The following DLGAP2 variants were observed in gnomAD, a reference collection of about 807,000 sequenced individuals.
DLGAP2 encodes the protein DLG associated protein 2.
A neutral mutation model predicts 100.3 loss-of-function variants in DLGAP2; 26 were observed. The observed-to-expected ratio is 0.26, with a 90% CI of 0.19 to 0.36. The LOEUF (loss-of-function observed/expected upper bound fraction) is 0.36, where lower values mean the gene tolerates loss of function less well. DLGAP2 is among the 10% of genes least tolerant of loss of function. The pLI is 1.00. For synonymous variants in DLGAP2, 886 were observed against 630.1 expected (o/e 1.41, Z -6.08); for missense variants, 1,858 against 1,453.2 (o/e 1.28, Z -4.53).
chr8:937,835 G>A (rs1006013483), intron 2 of DLGAP2, among the ~76,000 whole-genome samples: 10 of 152,126 alleles, frequency 6.6e-5, no homozygotes, highest in African/African-American at 2.4e-4. Flanking sequence ...GAGTGGGATC[G>A]ACTCTACGGA....
chr8:1,686,656 A>G (rs1307090489), intron 12 of DLGAP2, among the ~76,000 whole-genome samples: 1 of 150,648 alleles, frequency 6.6e-6, no homozygotes, highest in Non-Finnish European at 1.5e-5. Flanking sequence ...CCTGGGCAAC[A>G]AGAGGGAGAC....
At chr8:1,334,322 C>T (rs1037673002) in intron 3 of DLGAP2, among the ~76,000 whole-genome samples, 2 of 152,212 alleles carry the variant, frequency 1.3e-5, no homozygotes, top group African/African-American at 4.8e-5. Context: ...ATCACTGTGA[C>T]CCAGCGTTCC....
chr8:1,559,515 T>C (rs1042069444), intron 5 of DLGAP2, among the ~76,000 whole-genome samples: 16 of 152,244 alleles, frequency 1.1e-4, no homozygotes, highest in African/African-American at 3.4e-4. Flanking sequence ...TCTTTCTGTA[T>C]TGAAATTTCT....
intron 2 of DLGAP2, among the ~76,000 whole-genome samples, chr8:1,204,156 G>C (rs1266727450): frequency 6.6e-6 from 1 of 152,260 alleles, no homozygotes; most frequent in Admixed American, 6.5e-5. Context: ...CCACAGACCA[G>C]AGTTTGAGTA....
intron 4 of DLGAP2, among the ~76,000 whole-genome samples, chr8:1,536,988 C>T (rs1334310118): frequency 6.6e-6 from 1 of 152,008 alleles, no homozygotes; most frequent in Non-Finnish European, 1.5e-5. Flanking sequence ...CACGACCCTC[C>T]AAGGCCGGTA....
At chr8:1,465,658 G>C (rs1184911503) in intron 3 of DLGAP2, among the ~76,000 whole-genome samples, 1 of 152,234 alleles carries the variant, frequency 6.6e-6, no homozygotes, top group Non-Finnish European at 1.5e-5. Context: ...GCGTTTTGTG[G>C]AGACTCCACT....
chr8:1,578,294 G>A (rs1799834194), intron 6 of DLGAP2, among the ~76,000 whole-genome samples: 1 of 152,188 alleles, frequency 6.6e-6, no homozygotes, highest in African/African-American at 2.4e-5. Context: ...GAATGCAAAT[G>A]TTATGGGAAG....
chr8:1,334,555 G>A (rs1801228320), intron 3 of DLGAP2, among the ~76,000 whole-genome samples: 1 of 152,148 alleles, frequency 6.6e-6, no homozygotes, highest in Non-Finnish European at 1.5e-5. Context: ...TCACGCAGAT[G>A]TGAGTGTGAG....
Position 1,022,660 on chromosome 8 carries a change from C to T in DLGAP2, c.73+114694C>T, listed in dbSNP as rs1237190644. On this transcript the variant is annotated intron_variant, in intron 2 of 14. Transcript: ENST00000637795. ...AGCACCCACCCTCCCTGGGAGTGGA[C>T]GGTCCCGTGCCGAGGTAGACGCTCC... Among the ~76,000 whole-genome samples, 9 of 150,486 alleles carry T rather than the reference C, an allele frequency of 6.0e-5. 1 individual carries two copies. The highest frequency in any genetic ancestry group is 1.3e-4 in the Admixed American group (2 of 15,146).
Position 1,586,501 on chromosome 8 carries a change from G to GA in DLGAP2, c.1442+20607_1442+20608insA, listed in dbSNP as rs1796124775. 2.6e-5 allele frequency among the ~76,000 whole-genome samples: 4 copies of GA among 152,246 alleles called. No individual in the cohort carries two copies. The East Asian group carries it at 7.7e-4, about 29-fold the overall frequency. On this transcript the variant is annotated intron_variant, in intron 6 of 14. Coordinates refer to ENST00000637795, the MANE Select transcript of DLGAP2 (RefSeq NM_001346810.2). ...GCTTTCAATGCTCCTGCGCTGAGAGGGGGCCTGCCTGGGTCATCAGGAGAT... is the reference window on the plus strand; with the variant it reads ...GCTTTCAATGCTCCTGCGCTGAGAGGAGGGCCTGCCTGGGTCATCAGGAGAT...
At chr8:800,231 C>A (rs1796119938) in intron 1 of DLGAP2, among the ~76,000 whole-genome samples, 1 of 152,212 alleles carries the variant, frequency 6.6e-6, no homozygotes, top group African/African-American at 2.4e-5. Context: ...GCGGCAGAAT[C>A]ATCAGTGTTC....
chr8:1,485,157 G>T (rs1799204920), intron 3 of DLGAP2, among the ~76,000 whole-genome samples: 1 of 152,318 alleles, frequency 6.6e-6, no homozygotes, highest in South Asian at 2.1e-4. Flanking sequence ...TAATGCAGCT[G>T]CCCTGTCATT....
chr8:1,211,141 C>A (rs1450844875), intron 2 of DLGAP2, among the ~76,000 whole-genome samples: 1 of 152,216 alleles, frequency 6.6e-6, no homozygotes, highest in Non-Finnish European at 1.5e-5. Flanking sequence ...CGTGGTTTTG[C>A]AACATGATCT....
At chr8:1,585,220 T>C (rs887776194) in intron 6 of DLGAP2, among the ~76,000 whole-genome samples, 1 of 152,166 alleles carries the variant, frequency 6.6e-6, no homozygotes, top group Non-Finnish European at 1.5e-5. Flanking sequence ...CCCAGCACTT[T>C]GGGAGGCGGA....
At chr8:1,504,521 C>A (rs1303550849) in intron 4 of DLGAP2, among the ~76,000 whole-genome samples, 4 of 152,192 alleles carry the variant, frequency 2.6e-5, no homozygotes, top group Non-Finnish European at 5.9e-5. Context: ...AACTGAAATG[C>A]TGCACCCTTC....
Position 1,705,041 on chromosome 8 carries a change from G to T in DLGAP2, c.*3635G>T, listed in dbSNP as rs868742686. On this transcript the variant is annotated 3_prime_UTR_variant, in exon 15 of 15. Coordinates refer to ENST00000637795, the MANE Select transcript of DLGAP2 (RefSeq NM_001346810.2). ...GCATCTCTGTTTTTGTTAGATCCTT[G>T]TAAGCATCGCTACCCGAGTCCAGGA... is the stretch of plus-strand genomic sequence containing the variant. 6.6e-6 allele frequency: 1 copy of T among 152,210 alleles called. No individual in the cohort carries two copies. The highest frequency in any genetic ancestry group is 1.5e-5 in the Non-Finnish European group (1 of 68,046). 9.4% of individuals were successfully genotyped at this position (152,210 alleles called of 1,614,324 possible).
In DLGAP2 at chr8:1,697,160, T is replaced by G; in HGVS notation, c.2810T>G (p.Met937Arg). The change falls in exon 14 of 15, where the codon ATG becomes AGG. Residue 937 changes from methionine (M) to arginine (R), a missense_variant. Physicochemically the swap from Met to Arg is moderately conservative, Grantham distance 91. Transcript: ENST00000637795. ...LCQQNMDPSA[M>R]PRPTSQDLAG... ...GTGTGTCCCCAGGACCCCAGCGCCA[T>G]GCCGAGGCCGACGTCGCAGGACCTG... is the stretch of plus-strand genomic sequence containing the variant. 6.3e-7 allele frequency: 1 copy of G among 1,592,980 alleles called. No individual in the cohort carries two copies. The highest frequency in any genetic ancestry group is 8.6e-7 in the Non-Finnish European group (1 of 1,168,088).
At chr8:1,165,934 T>A (rs1339442654) in intron 2 of DLGAP2, among the ~76,000 whole-genome samples, 4 of 152,234 alleles carry the variant, frequency 2.6e-5, no homozygotes, top group Non-Finnish European at 5.9e-5. Flanking sequence ...GTTGCTGTTT[T>A]AACCATTATC....
At chr8:1,680,514 C>G (rs1798919049) in intron 12 of DLGAP2, 1 of 152,248 alleles carries the variant, frequency 6.6e-6, no homozygotes, top group Non-Finnish European at 1.5e-5. Flanking sequence ...CCACATTTGT[C>G]TCTTAATCAT....
Sources: allele counts gnomAD v4.1 joint callset (sites outside exome capture counted in the v4.1 genomes callset), GRCh38; gene constraint gnomAD v4.1.1; transcripts MANE v1.5; gene names NCBI Gene and HGNC (gene_info 2026-07-23, HGNC 2026-07-21).